CLDN10: variants seen among roughly 807,000 people sequenced by gnomAD.
CLDN10 encodes claudin-10.
Under a neutral mutation model 22.9 loss-of-function variants are expected in CLDN10, and 15 were observed. That is an observed-to-expected ratio of 0.65 (90% confidence interval 0.44 to 1.01). The LOEUF (loss-of-function observed/expected upper bound fraction) is 1.01. CLDN10 is among the 50% of genes least tolerant of loss of function. CLDN10 has a pLI of 0.00. For synonymous variants in CLDN10, 114 were observed against 111.4 expected, an observed-to-expected ratio of 1.02 and a Z score of -0.15; for missense variants, 247 against 287.8, an observed-to-expected ratio of 0.86 and a Z score of 1.03.
At chr13:95,533,077 C>T in intron 1 of CLDN10, among the ~76,000 whole-genome samples, 1 of 151,840 alleles carries the variant, frequency 6.6e-6, no homozygotes, top group East Asian at 1.9e-4. Context: ...TGAATGTACA[C>T]TTAAGATTTA....
intron 1 of CLDN10, among the ~76,000 whole-genome samples, chr13:95,547,323 A>G (rs2138633202): frequency 6.6e-6 from 1 of 152,162 alleles, no homozygotes; most frequent in South Asian, 2.1e-4. Flanking sequence ...TCTGGGCACC[A>G]GCCCCTTCCA....
chr13:95,441,651 T>C (rs1233894800), intron 1 of CLDN10, among the ~76,000 whole-genome samples: 1 of 152,228 alleles, frequency 6.6e-6, no homozygotes, highest in Non-Finnish European at 1.5e-5. Flanking sequence ...GGAGCTTGCT[T>C]GAAATGCAGA....
intron 1 of CLDN10, among the ~76,000 whole-genome samples, chr13:95,547,302 T>TGCA (rs2043520253): frequency 1.3e-5 from 2 of 152,186 alleles, no homozygotes; most frequent in African/African-American, 4.8e-5. Flanking sequence ...TTTCCCTCCC[T>TGCA]CTGCCCTCAC....
intron 3 of CLDN10, among the ~76,000 whole-genome samples, chr13:95,572,920 G>A (rs559724591): frequency 1.3e-5 from 2 of 152,314 alleles, no homozygotes; most frequent in East Asian, 3.9e-4. Context: ...AAAAGCAGGA[G>A]GTGAAAGTAA....
chr13:95,525,991 CCTTGTCTTTCTCTT>C (rs1272090525), intron 1 of CLDN10, among the ~76,000 whole-genome samples: 49 of 152,268 alleles, frequency 3.2e-4, no homozygotes, highest in Admixed American at 3.0e-3. Context: ...CTTCTATATT[CCTTGTCTTTCTCTT>C]CTACTTTCTA....
At chr13:95,445,673 G>T (rs1355709043) in intron 1 of CLDN10, among the ~76,000 whole-genome samples, 1 of 152,208 alleles carries the variant, frequency 6.6e-6, no homozygotes, top group East Asian at 1.9e-4. Flanking sequence ...ATCTCAGTCA[G>T]TCAGTTTCTT....
At chr13:95,541,743 G>A (rs1168687645) in intron 1 of CLDN10, among the ~76,000 whole-genome samples, 1 of 152,122 alleles carries the variant, frequency 6.6e-6, no homozygotes, top group African/African-American at 2.4e-5. Context: ...TAGATGGCAG[G>A]TCATTTAAAT....
intron 1 of CLDN10, among the ~76,000 whole-genome samples, chr13:95,447,666 A>T (rs2042393565): frequency 6.6e-6 from 1 of 151,236 alleles, no homozygotes; most frequent in South Asian, 2.1e-4. Flanking sequence ...CTCACCCCAC[A>T]CCTTGGGAAG....
At chr13:95,468,364 A>C (rs1247178624) in intron 1 of CLDN10, among the ~76,000 whole-genome samples, 1 of 152,164 alleles carries the variant, frequency 6.6e-6, no homozygotes, top group African/African-American at 2.4e-5. Flanking sequence ...TTCCAAACTT[A>C]TCCCTGATGT....
At chr13:95,538,159 T>TTC (rs1566324901) in intron 1 of CLDN10, among the ~76,000 whole-genome samples, 4 of 131,018 alleles carry the variant, frequency 3.1e-5, no homozygotes, top group African/African-American at 8.5e-5. Flanking sequence ...ATTTCTTTTT[T>TTC]TTTTTTTTTT....
intron 1 of CLDN10, among the ~76,000 whole-genome samples, chr13:95,453,990 T>C (rs1405734808): frequency 6.6e-6 from 1 of 152,164 alleles, no homozygotes; most frequent in Non-Finnish European, 1.5e-5. Context: ...ACCTTCTCTC[T>C]TTCTTACCCT....
At chr13:95,461,054 G>C (rs1594534221) in intron 1 of CLDN10, among the ~76,000 whole-genome samples, 1 of 152,266 alleles carries the variant, frequency 6.6e-6, no homozygotes, top group East Asian at 1.9e-4. Context: ...GGAGGTTGCA[G>C]TGAGCCGAGA....
chr13:95,497,515 A>T (rs1239990037), intron 1 of CLDN10, among the ~76,000 whole-genome samples: 1 of 152,178 alleles, frequency 6.6e-6, no homozygotes, highest in African/African-American at 2.4e-5. Flanking sequence ...CCACACAAAG[A>T]GGGAGGCAGG....
intron 1 of CLDN10, chr13:95,497,171 A>T (rs2042938367): frequency 6.6e-6 from 1 of 152,238 alleles, no homozygotes; most frequent in Admixed American, 6.5e-5. Flanking sequence ...CAGTATCAAT[A>T]ATTAACTATA....
At chr13:95,492,403 A>G (rs1413887011) in intron 1 of CLDN10, among the ~76,000 whole-genome samples, 1 of 151,918 alleles carries the variant, frequency 6.6e-6, no homozygotes, top group East Asian at 1.9e-4. Flanking sequence ...TAGGAGGATT[A>G]TGGCTGCCTC....
rs138724854 is a variant in CLDN10, at chr13:95,502,981, T to G, written c.215-57151T>G. On this transcript the variant is annotated intron_variant, in intron 1 of 4. Coordinates refer to the CLDN10 transcript ENST00000376873. ...AAAGGGATAGGAGTAAAACTTAAAG[T>G]CTCAACAGGTTCCCAGTGGCCACCC... is the stretch of plus-strand genomic sequence containing the variant. Among the ~76,000 whole-genome samples, 60 of 152,336 alleles carry G rather than the reference T, an allele frequency of 3.9e-4. 1 individual carries two copies. The East Asian group carries it at 0.011, about 27-fold the overall frequency.
At position 95,466,005 on chromosome 13, in the gene CLDN10, C is replaced by G. The variant is rs534650201; in HGVS notation, c.214+31958C>G. On this transcript the variant is annotated intron_variant, in intron 1 of 4. Transcript: ENST00000376873. Reference sequence around the variant, plus strand: ...CCAACCTGGAATCCCTGAGATAAATCCCATTTAGTCATGGTGTATGTTTAT... The same window carrying G: ...CCAACCTGGAATCCCTGAGATAAATGCCATTTAGTCATGGTGTATGTTTAT... Among the ~76,000 whole-genome samples, 3 of 151,976 alleles carry G rather than the reference C, an allele frequency of 2.0e-5. No individual in the cohort carries two copies. The South Asian group carries it at 6.2e-4, about 32-fold the overall frequency.
rs1185782445 is a variant in CLDN10 at position 95,505,372 on chromosome 13, G to C, written c.215-54760G>C. Among the ~76,000 whole-genome samples, 5 of 152,206 alleles carry C rather than the reference G, an allele frequency of 3.3e-5. No homozygotes were observed. In the East Asian group the frequency reaches 7.7e-4, roughly 23 times the overall value. ...TGTTTACCCATTGCTCAAATGCAGAGAGCCACATTCCAGGGATGTCTTACA... is the reference window on the plus strand; with the variant it reads ...TGTTTACCCATTGCTCAAATGCAGACAGCCACATTCCAGGGATGTCTTACA... On this transcript the variant is annotated intron_variant, in intron 1 of 4. Coordinates refer to the CLDN10 transcript ENST00000376873.
chr13:95,539,676 C>T (rs1399357517), intron 1 of CLDN10, among the ~76,000 whole-genome samples: 1 of 152,156 alleles, frequency 6.6e-6, no homozygotes, highest in African/African-American at 2.4e-5. Context: ...TATTTTCTAC[C>T]TTTCCAGAAT....
Sources: gnomAD v4.1 joint callset for allele counts (sites outside exome capture counted in the v4.1 genomes callset) on GRCh38, gnomAD v4.1.1 for gene constraint, MANE v1.5 for transcripts, NCBI Gene and HGNC (gene_info 2026-07-23, HGNC 2026-07-21) for gene names.